PAPOLG: variants seen among roughly 807,000 people sequenced by gnomAD.
PAPOLG encodes poly(A) polymerase gamma, also known as PAP-gamma.
Under a neutral mutation model 99.0 loss-of-function variants are expected in PAPOLG, and 40 were observed. That is an observed-to-expected ratio of 0.40 (90% confidence interval 0.31 to 0.53). The LOEUF (loss-of-function observed/expected upper bound fraction) is 0.53. PAPOLG is among the 20% of genes least tolerant of loss of function. The probability of loss-of-function intolerance (pLI) is 0.41; values close to 1 mark genes in which losing one functional copy is unlikely to be tolerated. For missense variants in PAPOLG, 675 were observed against 884.1 expected (o/e 0.76, Z 3.00); for synonymous variants, 310 against 299.3 (o/e 1.04, Z -0.37).
At chr2:60,774,514 C>T (rs1045481933) in intron 7 of PAPOLG, among the ~76,000 whole-genome samples, 6 of 152,018 alleles carry the variant, frequency 3.9e-5, no homozygotes, top group African/African-American at 1.5e-4. Flanking sequence ...TATAGATGCC[C>T]ACCACCACAC....
chr2:60,787,653 C>G (rs1400149323), intron 15 of PAPOLG, 33 bp downstream of exon 15: 1 of 1,604,786 alleles, frequency 6.2e-7, no homozygotes, highest in Admixed American at 1.7e-5. Flanking sequence ...CTGTGATTCT[C>G]AAACCTGGCT....
chr2:60,795,248 T>C, intron 21 of PAPOLG: 2 of 513,618 alleles, frequency 3.9e-6, no homozygotes, highest in Non-Finnish European at 7.1e-6. Flanking sequence ...AACTTTATTA[T>C]CTATTTAGAT....
chr2:60,770,193 T>C (rs778329579), intron 5 of PAPOLG, among the ~76,000 whole-genome samples: 2 of 152,244 alleles, frequency 1.3e-5, no homozygotes, highest in Non-Finnish European at 2.9e-5. Context: ...ACAGGCATTT[T>C]GTGTATCTTA....
intron 5 of PAPOLG, 62 bp downstream of exon 5, chr2:60,768,952 T>C: frequency 7.9e-7 from 1 of 1,270,970 alleles, no homozygotes; most frequent in Non-Finnish European, 1.1e-6. Flanking sequence ...CTATAAAAAC[T>C]AGGGCTTAAA....
In PAPOLG at chr2:60,799,577, T is replaced by C. The variant is rs1161919113; in HGVS notation, c.*2417T>C. On this transcript the variant is annotated 3_prime_UTR_variant, in exon 22 of 22. Transcript: ENST00000238714. ...AGAAAGTATGATCTGGGATTTTGTG[T>C]TATGATGAGAGGCACTAAGTACATG... The C allele has an allele frequency of 1.3e-5, 2 of 151,426 alleles. No homozygotes were observed. The highest frequency in any genetic ancestry group is 3.0e-5 in the Non-Finnish European group (2 of 67,796). The allele number at this position is 151,426 out of a possible 1,614,324, so 9.4% of individuals were successfully genotyped here. A position where few individuals can be genotyped will look rare whatever the true frequency, so the allele number is the denominator to read the frequency against.
Position 60,797,505 on chromosome 2 carries a change from CTTTTT to C in PAPOLG, c.*347_*351del, listed in dbSNP as rs902513490. ...GACACTGATAACAAGTCCTGAACTC[CTTTTT>C]TGTTTTGTTTTTTGTGTTTTTCTTT... On this transcript the variant is annotated 3_prime_UTR_variant, in exon 22 of 22. Coordinates refer to ENST00000238714, the MANE Select transcript of PAPOLG (RefSeq NM_022894.4). 35 of 204,572 alleles carry C rather than the reference CTTTTT, an allele frequency of 1.7e-4. No individual in the cohort carries two copies. Among genetic ancestry groups the C allele is most frequent in the Non-Finnish European group, 2.7e-4 (28 of 103,726 alleles). The allele number at this position is 204,572 out of a possible 1,614,324, so 12.7% of individuals were successfully genotyped here.
chr2:60,791,717 G>A (rs1230256868), intron 15 of PAPOLG, 44 bp from the exon 16 acceptor site: 4 of 1,563,182 alleles, frequency 2.6e-6, no homozygotes, highest in Non-Finnish European at 2.6e-6. Flanking sequence ...AGAACCCTTG[G>A]TTCAGAAAGA....
chr2:60,780,173 T>G (rs1245362230), intron 9 of PAPOLG, among the ~76,000 whole-genome samples: 1 of 152,174 alleles, frequency 6.6e-6, no homozygotes, highest in African/African-American at 2.4e-5. Flanking sequence ...AAGTGAAAGA[T>G]TCAGGTGTAA....
chr2:60,791,191 A>C (rs757748191), intron 15 of PAPOLG, among the ~76,000 whole-genome samples: 1 of 152,198 alleles, frequency 6.6e-6, no homozygotes, highest in East Asian at 1.9e-4. Context: ...ACCGTTTTTT[A>C]AATATATTTA....
At chr2:60,768,274 G>A (rs1670745134) in intron 3 of PAPOLG, among the ~76,000 whole-genome samples, 196 bp from the exon 4 acceptor site, 1 of 152,154 alleles carries the variant, frequency 6.6e-6, no homozygotes, top group African/African-American at 2.4e-5. Context: ...GCTAACTTTT[G>A]TATTCCTAGT....
intron 17 of PAPOLG, among the ~76,000 whole-genome samples, chr2:60,793,049 A>C (rs1401822127): frequency 1.3e-5 from 2 of 151,910 alleles, no homozygotes; most frequent in Non-Finnish European, 2.9e-5. Flanking sequence ...AAAAACAAAA[A>C]CAAAAATTAG....
At position 60,756,505 on chromosome 2, in the gene PAPOLG, G is replaced by C. The variant is rs772644502; in HGVS notation, c.17+10G>C. On this transcript the variant is annotated intron_variant, in intron 1 of 21. Coordinates refer to ENST00000238714, the MANE Select transcript of PAPOLG (RefSeq NM_022894.4). ...TGAAAGAGATGTCTGCGTAAGTGGT[G>C]GGGGGCGGCGGTTGGGGTGAGGCGG... 5 of 1,602,270 alleles carry C rather than the reference G, an allele frequency of 3.1e-6. No homozygotes were observed. In the Admixed American group the frequency reaches 8.5e-5, roughly 27 times the overall value.
intron 5 of PAPOLG, 141 bp downstream of exon 5, chr2:60,769,031 T>A: frequency 1.5e-6 from 1 of 672,710 alleles, no homozygotes; most frequent in Non-Finnish European, 2.4e-6. Flanking sequence ...AAGTGATGAT[T>A]AAATCATGAT....
intron 17 of PAPOLG, 43 bp downstream of exon 17, chr2:60,792,332 G>T (rs1363936762): frequency 2.0e-6 from 3 of 1,515,874 alleles, no homozygotes; most frequent in Non-Finnish European, 2.7e-6. Context: ...TTTCTGTTCA[G>T]TTTATTTGAG....
intron 15 of PAPOLG, among the ~76,000 whole-genome samples, chr2:60,788,982 A>C (rs1481162493): frequency 6.6e-6 from 1 of 152,152 alleles, no homozygotes; most frequent in Admixed American, 6.5e-5. Context: ...TGACAAAGTG[A>C]GATACTATGC....
At chr2:60,789,934 A>G (rs890949142) in intron 15 of PAPOLG, among the ~76,000 whole-genome samples, 1 of 152,144 alleles carries the variant, frequency 6.6e-6, no homozygotes, top group African/African-American at 2.4e-5. Flanking sequence ...TCTCTACTAA[A>G]TATACAAAAA....
In PAPOLG at chr2:60,768,842, G is replaced by T. The variant is rs373491852; in HGVS notation, c.390G>T (p.Gln130His). The change falls in exon 5 of 22, where the codon CAG (glutamine) becomes CAT (histidine). Residue 130 changes from glutamine to histidine, a missense_variant. This residue lies in a region of PAPOLG where 149 missense variants were observed against 192.1 expected (regional missense o/e 0.78). Coordinates refer to ENST00000238714, the MANE Select transcript of PAPOLG (RefSeq NM_022894.4). ...PRHVERSDFF[Q>H]SFFEKLKHQD... ...ATGTGGAAAGATCTGATTTTTTTCA[G>T]TCTTTTTTTGAAAAATTGAAACATC... is the stretch of plus-strand genomic sequence containing the variant. The T allele has an allele frequency of 6.2e-7, 1 of 1,601,922 alleles. No individual in the cohort carries two copies. The highest frequency in any genetic ancestry group is 1.3e-5 in the African/African-American group (1 of 74,478).
At position 60,794,726 on chromosome 2, in the gene PAPOLG, C is replaced by A; in HGVS notation, c.2006C>A (p.Ser669Ter). The A allele has an allele frequency of 6.2e-7, 1 of 1,611,120 alleles. No homozygotes were observed. The highest frequency in any genetic ancestry group is 8.5e-7 in the Non-Finnish European group (1 of 1,177,672). ...KDVEKFIRLE[S>*]TFKDPRTAEE... ...ATATTTTAGTTTATTCGACTTGAAT[C>A]AACATTTAAGGACCCCCGCACTGCT... The change falls in exon 20 of 22, where the codon TCA (serine) becomes TAA (stop). Residue 669 changes from serine to a stop codon, truncating the protein, a stop_gained. Transcript: ENST00000238714. LOFTEE classifies it high-confidence loss of function.
chr2:60,771,722 A>T, intron 7 of PAPOLG, 92 bp downstream of exon 7: 1 of 1,361,398 alleles, frequency 7.3e-7, no homozygotes. Context: ...AGTTTTGGAG[A>T]TTGGACTCAG....
Sources: gnomAD v4.1 joint callset for allele counts (sites outside exome capture counted in the v4.1 genomes callset) on GRCh38, gnomAD v4.1.1 for gene constraint, gnomAD v4.1.1 regional missense constraint, MANE v1.5 for transcripts, NCBI Gene and HGNC (gene_info 2026-07-23, HGNC 2026-07-21) for gene names.